IL13RA1: variants seen among roughly 807,000 people sequenced by gnomAD.
IL13RA1 encodes interleukin 13 receptor subunit alpha 1, also known as interleukin-13 receptor subunit alpha-1.
A neutral mutation model predicts 33.8 loss-of-function variants in IL13RA1; 14 were observed. That is an observed-to-expected ratio of 0.41 (90% CI 0.27 to 0.65). The LOEUF (loss-of-function observed/expected upper bound fraction) is 0.65. IL13RA1 is among the 30% of genes least tolerant of loss of function. The pLI, the probability that IL13RA1 is intolerant of heterozygous loss-of-function variation, is 0.28. For missense variants in IL13RA1, 313 were observed against 327.0 expected (o/e 0.96, Z 0.33); for synonymous variants, 116 against 115.7 (o/e 1.00, Z -0.02).
chrX:118,784,125 A>ACG (rs2017885191), intron 10 of IL13RA1, among the ~76,000 whole-genome samples: 1 of 22,511 alleles, frequency 4.4e-5, no homozygotes, highest in Non-Finnish European at 7.3e-5. Flanking sequence ...ATATGTATAT[A>ACG]TATGTATATA....
chrX:118,794,386 G>A lies in IL13RA1; in HGVS notation c.*2532G>A, dbSNP rs752029502. 12 of 112,197 alleles carry A rather than the reference G, an allele frequency of 1.1e-4. No individual in the cohort carries two copies. The highest frequency in any genetic ancestry group is 2.9e-4 in the African/African-American group (9 of 30,808). The allele number at this position is 112,197 out of a possible 1,213,427, so 9.2% of individuals were successfully genotyped here. The stretch of plus-strand genomic sequence containing the variant: ...TCAGGATGGTAATTCTTATTCTTTC[G>A]TTCAGTTAAGTTTTTCCCTTCATCT... On this transcript the variant is annotated 3_prime_UTR_variant, in exon 11 of 11. Coordinates refer to ENST00000371666, the MANE Select transcript of IL13RA1 (RefSeq NM_001560.3).
At chrX:118,773,458 T>C (rs1002683779) in intron 8 of IL13RA1, among the ~76,000 whole-genome samples, 3 of 112,023 alleles carry the variant, frequency 2.7e-5, no homozygotes, top group African/African-American at 9.7e-5. Flanking sequence ...GCTATTGCAC[T>C]CCAGCCTGGG....
intron 2 of IL13RA1, among the ~76,000 whole-genome samples, chrX:118,741,477 G>A (rs975503211): frequency 9.0e-6 from 1 of 111,707 alleles, no homozygotes; most frequent in Middle Eastern, 4.6e-3. Flanking sequence ...GTATTGCCTT[G>A]TATCTATATA....
At position 118,761,267 on chromosome X, in the gene IL13RA1, C is replaced by A; in HGVS notation, c.806C>A (p.Thr269Asn). ...GAAGTAGAAGTCAATAACAGCCAAA[C>A]TGAGACACATAATGTTTTCTACGTA... Reference protein sequence around the residue: ...FYEVEVNNSQTETHNVFYVQE... With the variant: ...FYEVEVNNSQNETHNVFYVQE... Residue 269 changes from threonine (T) to asparagine (N), a missense_variant, in exon 6 of 11, where the codon ACT becomes AAT. Coordinates refer to ENST00000371666, the MANE Select transcript of IL13RA1 (RefSeq NM_001560.3). The A allele has an allele frequency of 9.6e-7, 1 of 1,043,305 alleles. No homozygotes were observed. Among genetic ancestry groups the A allele is most frequent in the Non-Finnish European group, 1.3e-6 (1 of 761,937 alleles). The allele number at this position is 1,043,305 out of a possible 1,213,427, so 86.0% of individuals were successfully genotyped here. A position where few individuals can be genotyped will look rare whatever the true frequency, so the allele number is the denominator to read the frequency against.
intron 4 of IL13RA1, among the ~76,000 whole-genome samples, chrX:118,754,029 G>A (rs187942867): frequency 6.2e-4 from 70 of 112,395 alleles, no homozygotes; most frequent in Non-Finnish European, 9.2e-4. Flanking sequence ...GTATTGGACA[G>A]CACAGATAGC....
Position 118,741,449 on chromosome X carries a change from A to G in IL13RA1, c.228+293A>G, listed in dbSNP as rs147071554. Among the ~76,000 whole-genome samples the G allele has an allele frequency of 7.4e-3, 825 of 112,230 alleles. 1 individual carries two copies. Among genetic ancestry groups the G allele is most frequent in the Middle Eastern group, 0.018 (4 of 219 alleles). On this transcript the variant is annotated intron_variant, in intron 2 of 10. Transcript: ENST00000371666. ...TATGTTATTGTTAAAATTTGTTCCTATGTTCCTGCCTGTAGCTGTATTGCC... is the reference window on the plus strand; with the variant it reads ...TATGTTATTGTTAAAATTTGTTCCTGTGTTCCTGCCTGTAGCTGTATTGCC...
chrX:118,728,357 TC>T (rs1315702517), intron 1 of IL13RA1, among the ~76,000 whole-genome samples: 7 of 112,268 alleles, frequency 6.2e-5, no homozygotes, highest in Non-Finnish European at 1.3e-4. Context: ...CAGAATAGCA[TC>T]CCGGCAGATG....
chrX:118,795,881 A>G (rs1468115402), downstream of IL13RA1, among the ~76,000 whole-genome samples: 3 of 112,100 alleles, frequency 2.7e-5, no homozygotes, highest in African/African-American at 9.7e-5. Flanking sequence ...TATTTCAGAG[A>G]CTCTGTTTTC....
chrX:118,749,627 G>A, intron 3 of IL13RA1, 31 bp from the exon 4 acceptor site: 1 of 1,194,480 alleles, frequency 8.4e-7, no homozygotes, highest in Non-Finnish European at 1.1e-6. Context: ...AAGGAAAGAA[G>A]GGTCTTAAAC....
intron 6 of IL13RA1, among the ~76,000 whole-genome samples, chrX:118,766,076 A>G (rs753199826): frequency 8.9e-6 from 1 of 112,088 alleles, no homozygotes; most frequent in Non-Finnish European, 1.9e-5. Context: ...TTATTTCCCT[A>G]TAAGGTGTCA....
At chrX:118,786,050 CTGTTA>C (rs2017913425) in intron 10 of IL13RA1, among the ~76,000 whole-genome samples, 2 of 111,244 alleles carry the variant, frequency 1.8e-5, no homozygotes, top group African/African-American at 6.5e-5. Flanking sequence ...ATATATCGTT[CTGTTA>C]TGTTTTAATT....
intron 1 of IL13RA1, among the ~76,000 whole-genome samples, chrX:118,730,082 A>T (rs2017199351): frequency 8.9e-6 from 1 of 112,274 alleles, no homozygotes; most frequent in African/African-American, 3.2e-5. Flanking sequence ...AGGCAGATGG[A>T]TCACTTGAGG....
intron 4 of IL13RA1, among the ~76,000 whole-genome samples, chrX:118,752,023 A>G (rs1243673082): frequency 9.1e-6 from 1 of 110,215 alleles, no homozygotes; most frequent in Non-Finnish European, 1.9e-5. Flanking sequence ...GAAATCCTGC[A>G]GGTGGAGCCA....
intron 4 of IL13RA1, among the ~76,000 whole-genome samples, chrX:118,750,330 T>C (rs2017458024): frequency 9.0e-6 from 1 of 110,743 alleles, no homozygotes; most frequent in Admixed American, 9.7e-5. Context: ...TTTAATTTTA[T>C]TATTTCAAGA....
Position 118,727,634 on chromosome X carries a change from G to A in IL13RA1, c.-5G>A. On this transcript the variant is annotated 5_prime_UTR_variant, in exon 1 of 11. Coordinates refer to ENST00000371666, the MANE Select transcript of IL13RA1 (RefSeq NM_001560.3). ...GCCCGGCCGGGCTCCGAGGCGAGAG[G>A]CTGCATGGAGTGGCCGGCGCGGCTC... 1.1e-6 allele frequency: 1 copy of A among 923,066 alleles called. No homozygotes were observed. The highest frequency in any genetic ancestry group is 1.3e-6 in the Non-Finnish European group (1 of 742,566). The allele number at this position is 923,066 out of a possible 1,213,427, so 76.1% of individuals were successfully genotyped here. A position where few individuals can be genotyped will look rare whatever the true frequency, so the allele number is the denominator to read the frequency against.
At chrX:118,785,573 T>G (rs113278794) in intron 10 of IL13RA1, among the ~76,000 whole-genome samples, 16 of 111,932 alleles carry the variant, frequency 1.4e-4, no homozygotes, top group African/African-American at 4.9e-4. Flanking sequence ...TTTACTTTTA[T>G]TTTGTTTTAT....
chrX:118,777,163 C>T (rs2017796096), intron 10 of IL13RA1, among the ~76,000 whole-genome samples: 1 of 109,708 alleles, frequency 9.1e-6, no homozygotes, highest in African/African-American at 3.3e-5. Context: ...TCCTCCCACC[C>T]CTGGTAGCCT....
chrX:118,776,572 G>A, intron 10 of IL13RA1, 61 bp downstream of exon 10: 2 of 359,596 alleles, frequency 5.6e-6, no homozygotes, highest in Non-Finnish European at 9.3e-6. Context: ...TGGAAGCTAT[G>A]GCATTTTTTA....
intron 2 of IL13RA1, among the ~76,000 whole-genome samples, chrX:118,742,574 A>G (rs1017400705): frequency 6.2e-5 from 7 of 112,196 alleles, no homozygotes; most frequent in African/African-American, 1.3e-4. Flanking sequence ...AAATGGGGCT[A>G]TTTCCTCAGA....
Sources: allele counts gnomAD v4.1 joint callset (sites outside exome capture counted in the v4.1 genomes callset), GRCh38; gene constraint gnomAD v4.1.1; transcripts MANE v1.5; gene names NCBI Gene and HGNC (gene_info 2026-07-23, HGNC 2026-07-21).